LPGAT1: variants seen among roughly 807,000 people sequenced by gnomAD.
LPGAT1 encodes acyl-CoA:lysophosphatidylglycerol acyltransferase 1.
A neutral mutation model predicts 47.5 loss-of-function variants in LPGAT1; 11 were observed. That is an observed-to-expected ratio of 0.23 (90% CI 0.15 to 0.38). The LOEUF (loss-of-function observed/expected upper bound fraction) is 0.38. Among genes scored for constraint, LPGAT1 ranks in the 10% least tolerant of loss-of-function variants. The pLI, the probability that LPGAT1 is intolerant of heterozygous loss-of-function variation, is 1.00. For synonymous variants in LPGAT1, 138 were observed against 144.2 expected, an observed-to-expected ratio of 0.96 and a Z score of 0.31; for missense variants, 293 against 439.0, an observed-to-expected ratio of 0.67 and a Z score of 2.97.
chr1:211,800,072 T>C (rs1435039096), intron 2 of LPGAT1, among the ~76,000 whole-genome samples: 1 of 151,030 alleles, frequency 6.6e-6, no homozygotes, highest in African/African-American at 2.4e-5. Flanking sequence ...TCTCGCTCTA[T>C]TGCCCAGGCT....
intron 2 of LPGAT1, among the ~76,000 whole-genome samples, chr1:211,795,189 C>T (rs1659298928): frequency 6.6e-6 from 1 of 152,016 alleles, no homozygotes; most frequent in Admixed American, 6.6e-5. Flanking sequence ...TTTATGTTAG[C>T]GTATTTTACC....
intron 4 of LPGAT1, 116 bp downstream of exon 4, chr1:211,787,498 AAAAAAAAAAAAGCTCCCT>A (rs1245133864): frequency 2.3e-6 from 1 of 427,088 alleles, no homozygotes; most frequent in African/African-American, 2.1e-5. Context: ...TCAAAAAAAA[AAAAAAAAAAAAGCTCCCT>A]AAGACTGGTT....
At chr1:211,815,761 A>T (rs1660147546) in intron 2 of LPGAT1, among the ~76,000 whole-genome samples, 1 of 149,092 alleles carries the variant, frequency 6.7e-6, no homozygotes, top group African/African-American at 2.5e-5. Context: ...CTCAAACATG[A>T]CAAATGCTTT....
Position 211,749,806 on chromosome 1 carries a change from T to A in LPGAT1, c.*93A>T, listed in dbSNP as rs75302143. 7.3e-4 allele frequency: 973 copies of A among 1,326,718 alleles called. 2 individuals carry two copies. The African/African-American group carries it at 8.1e-3, about 11-fold the overall frequency. The allele number at this position is 1,326,718 out of a possible 1,614,324, so 82.2% of individuals were successfully genotyped here. A position where few individuals can be genotyped will look rare whatever the true frequency, so the allele number is the denominator to read the frequency against. ...CCATTGAATTTCTTTTGCTTTTTTT[T>A]AAATATATTCTGATTTGCACATGTA... On this transcript the variant is annotated 3_prime_UTR_variant, in exon 8 of 8. Coordinates refer to ENST00000366997, the MANE Select transcript of LPGAT1 (RefSeq NM_014873.3).
intron 6 of LPGAT1, among the ~76,000 whole-genome samples, chr1:211,769,633 T>C (rs755141546): frequency 7.9e-5 from 12 of 152,204 alleles, no homozygotes; most frequent in Non-Finnish European, 1.8e-4. Flanking sequence ...TGGTTATTTC[T>C]TAATTATACG....
At chr1:211,752,165 C>T (rs1445133211) in intron 6 of LPGAT1, among the ~76,000 whole-genome samples, 2 of 152,102 alleles carry the variant, frequency 1.3e-5, no homozygotes, top group African/African-American at 4.8e-5. Flanking sequence ...TTTATTTTCC[C>T]TGGATTGAGA....
In LPGAT1 at chr1:211,743,843, C is replaced by T. The variant is rs750099903; in HGVS notation, c.*6056G>A. 1 of 152,096 alleles carries T rather than the reference C, an allele frequency of 6.6e-6. No individual in the cohort carries two copies. The highest frequency in any genetic ancestry group is 2.1e-4 in the South Asian group (1 of 4,826). The allele number at this position is 152,096 out of a possible 1,614,324, so 9.4% of individuals were successfully genotyped here. On this transcript the variant is annotated 3_prime_UTR_variant, in exon 8 of 8. Transcript: ENST00000366997. Reference sequence around the variant, plus strand: ...AAATAAGAGGTAGACACGACTGTAACGATTTAACTCATTTGGTAGACTGTG... The same window carrying T: ...AAATAAGAGGTAGACACGACTGTAATGATTTAACTCATTTGGTAGACTGTG...
At chr1:211,810,715 C>T (rs1370988844) in intron 2 of LPGAT1, among the ~76,000 whole-genome samples, 3 of 151,634 alleles carry the variant, frequency 2.0e-5, no homozygotes, top group Non-Finnish European at 4.4e-5. Flanking sequence ...TATGTACGTA[C>T]CACAGAAGCT....
chr1:211,802,192 G>A (rs1659602481), intron 2 of LPGAT1, among the ~76,000 whole-genome samples: 1 of 151,620 alleles, frequency 6.6e-6, no homozygotes, highest in Non-Finnish European at 1.5e-5. Context: ...GAAGCCCCCT[G>A]TGCCACATAA....
chr1:211,772,085 T>C (rs1018860641), intron 6 of LPGAT1, among the ~76,000 whole-genome samples: 4 of 152,178 alleles, frequency 2.6e-5, no homozygotes, highest in South Asian at 2.1e-4. Flanking sequence ...ATTATTGTTG[T>C]TGAGATAAAA....
At position 211,782,442 on chromosome 1, in the gene LPGAT1, A is replaced by T. The variant is rs143510259; in HGVS notation, c.727+787T>A. 7.5e-3 allele frequency among the ~76,000 whole-genome samples: 1,135 copies of T among 152,298 alleles called. 53 individuals carry two copies. Among genetic ancestry groups the T allele is most frequent in the Admixed American group, 0.064 (983 of 15,294 alleles). On this transcript the variant is annotated intron_variant, in intron 5 of 7. Coordinates refer to ENST00000366997, the MANE Select transcript of LPGAT1 (RefSeq NM_014873.3). ...GCATTAAATTAGTTCTCTGCATTAA[A>T]AACAAACAAGGCTGGACATGGTGGC... is the stretch of plus-strand genomic sequence containing the variant.
intron 2 of LPGAT1, among the ~76,000 whole-genome samples, chr1:211,801,722 G>A (rs979249636): frequency 2.7e-5 from 4 of 150,908 alleles, no homozygotes; most frequent in African/African-American, 9.8e-5. Context: ...AAAAGGGAAG[G>A]GGAGGGGAGG....
At chr1:211,827,625 T>C in intron 2 of LPGAT1, among the ~76,000 whole-genome samples, 1 of 152,192 alleles carries the variant, frequency 6.6e-6, no homozygotes, top group Non-Finnish European at 1.5e-5. Flanking sequence ...ATAACATATA[T>C]TTGGGAACAC....
At chr1:211,758,560 G>A (rs999117270) in intron 6 of LPGAT1, among the ~76,000 whole-genome samples, 4 of 152,040 alleles carry the variant, frequency 2.6e-5, no homozygotes, top group East Asian at 1.9e-4. Flanking sequence ...AAAATAAACC[G>A]GGCATGGTGG....
Position 211,749,797 on chromosome 1 carries a change from G to T in LPGAT1, c.*102C>A. 8.3e-7 allele frequency: 1 copy of T among 1,200,330 alleles called. No individual in the cohort carries two copies. Among genetic ancestry groups the T allele is most frequent in the Non-Finnish European group, 1.2e-6 (1 of 833,974 alleles). 74.4% of individuals were successfully genotyped at this position (1,200,330 alleles called of 1,614,324 possible). On this transcript the variant is annotated 3_prime_UTR_variant, in exon 8 of 8. Transcript: ENST00000366997. ...TTAATCCATCCATTGAATTTCTTTTGCTTTTTTTTAAATATATTCTGATTT... is the reference window on the plus strand; with the variant it reads ...TTAATCCATCCATTGAATTTCTTTTTCTTTTTTTTAAATATATTCTGATTT...
chr1:211,766,878 C>G (rs1657941080), intron 6 of LPGAT1, among the ~76,000 whole-genome samples: 1 of 152,182 alleles, frequency 6.6e-6, no homozygotes, highest in Non-Finnish European at 1.5e-5. Context: ...TCTATATGTC[C>G]TATTGATTCT....
chr1:211,765,980 A>G (rs1657893234), intron 6 of LPGAT1, among the ~76,000 whole-genome samples: 1 of 152,090 alleles, frequency 6.6e-6, no homozygotes, highest in African/African-American at 2.4e-5. Context: ...GGGCCCAAGG[A>G]GAACAAAAAG....
At chr1:211,811,830 T>G (rs1660002044) in intron 2 of LPGAT1, among the ~76,000 whole-genome samples, 1 of 94,484 alleles carries the variant, frequency 1.1e-5, no homozygotes, top group African/African-American at 3.0e-5. Context: ...CACTCCAGCC[T>G]GGGTGACAGA....
intron 2 of LPGAT1, among the ~76,000 whole-genome samples, chr1:211,794,942 A>G (rs1176943298): frequency 1.3e-5 from 2 of 152,320 alleles, no homozygotes; most frequent in African/African-American, 2.4e-5. Flanking sequence ...ACATGTACAC[A>G]AGGCTACTCA....
Sources: gnomAD v4.1 joint callset for allele counts (sites outside exome capture counted in the v4.1 genomes callset) on GRCh38, gnomAD v4.1.1 for gene constraint, MANE v1.5 for transcripts, NCBI Gene and HGNC (gene_info 2026-07-23, HGNC 2026-07-21) for gene names.